SQOR: variants seen among roughly 807,000 people sequenced by gnomAD.
SQOR encodes the protein sulfide quinone oxidoreductase.
In SQOR, 39 loss-of-function variants were observed where a neutral mutation model predicts 48.6. The observed-to-expected ratio is 0.80, with a 90% CI of 0.62 to 1.05. The LOEUF (loss-of-function observed/expected upper bound fraction) is 1.05. Among genes scored for constraint, SQOR ranks in the 50% least tolerant of loss-of-function variants. SQOR has a pLI of 0.00. For synonymous variants in SQOR, 220 were observed against 206.2 expected, an observed-to-expected ratio of 1.07 and a Z score of -0.57; for missense variants, 561 against 559.9, an observed-to-expected ratio of 1.00 and a Z score of -0.02.
intron 3 of SQOR, among the ~76,000 whole-genome samples, chr15:45,667,945 T>A (rs56327601): frequency 3.2e-5 from 3 of 94,232 alleles, no homozygotes; most frequent in African/African-American, 1.2e-4. Context: ...TTCTTTCTTT[T>A]TTTTTTTTTT....
chr15:45,634,198 C>A (rs1294090060), upstream of SQOR, among the ~76,000 whole-genome samples: 36 of 43,844 alleles, frequency 8.2e-4, no homozygotes, highest in Middle Eastern at 0.013. Context: ...ACAACAACAA[C>A]TATATATATA....
At chr15:45,686,965 G>A (rs555567251) in intron 7 of SQOR, among the ~76,000 whole-genome samples, 3 of 151,414 alleles carry the variant, frequency 2.0e-5, no homozygotes, top group Admixed American at 6.6e-5. Context: ...GCGACACCAC[G>A]CCTGGCTAAT....
In SQOR at chr15:45,643,123, C is replaced by G. The variant is rs1049088743; in HGVS notation, c.-18+8015C>G. 7.6e-4 allele frequency among the ~76,000 whole-genome samples: 116 copies of G among 152,190 alleles called. 7 individuals are homozygous for G. Among genetic ancestry groups the G allele is most frequent in the Non-Finnish European group, 1.3e-4 (9 of 68,032 alleles). On this transcript the variant is annotated intron_variant, in intron 1 of 9. Coordinates refer to ENST00000260324, the MANE Select transcript of SQOR (RefSeq NM_021199.4). ...CCTAGCTAAAAGAGTGGGAGGGGGT[C>G]AGGCCTGGAGAAATTGCTGTCTCTC...
chr15:45,643,080 C>T (rs747516538), intron 1 of SQOR, among the ~76,000 whole-genome samples: 1 of 152,200 alleles, frequency 6.6e-6, no homozygotes, highest in African/African-American at 2.4e-5. Flanking sequence ...TTTGTTTTCC[C>T]ATGTAAAGCC....
rs1038093971 is a variant in SQOR at position 45,676,118 on chromosome 15, G to T, written c.672G>T (p.Lys224Asn). The T allele has an allele frequency of 5.6e-6, 9 of 1,613,948 alleles. No homozygotes were observed. The highest frequency in any genetic ancestry group is 7.6e-6 in the Non-Finnish European group (9 of 1,180,004). The change falls in exon 6 of 10, where the codon AAG becomes AAT. Residue 224 changes from lysine (K) to asparagine (N), a missense_variant. Coordinates refer to ENST00000260324, the MANE Select transcript of SQOR (RefSeq NM_021199.4). ...TTTCTCAGACAGGGAAGCGATCCAA[G>T]GCCAATATCATTTTCAACACTTCTC... ...AYFRKTGKRS[K>N]ANIIFNTSLG...
intron 1 of SQOR, among the ~76,000 whole-genome samples, chr15:45,649,859 T>TTG (rs935948220): frequency 2.0e-5 from 3 of 151,784 alleles, no homozygotes; most frequent in African/African-American, 7.3e-5. Context: ...GTTGTTGTTT[T>TTG]TGTGTGTGTT....
At chr15:45,635,559 C>A (rs1249096888) in intron 1 of SQOR, among the ~76,000 whole-genome samples, 4 of 152,008 alleles carry the variant, frequency 2.6e-5, no homozygotes, top group Non-Finnish European at 5.9e-5. Context: ...CTCGAGGGGT[C>A]GGCTGCAGCT....
chr15:45,641,649 C>T (rs765301363), intron 1 of SQOR, among the ~76,000 whole-genome samples: 1 of 152,176 alleles, frequency 6.6e-6, no homozygotes, highest in Non-Finnish European at 1.5e-5. Context: ...AATAGCACTG[C>T]CATTACTCAA....
At chr15:45,634,528 G>C (rs1566912100), upstream of SQOR, among the ~76,000 whole-genome samples, 1 of 152,016 alleles carries the variant, frequency 6.6e-6, no homozygotes, top group Admixed American at 6.5e-5. Flanking sequence ...TTGAAGGAAG[G>C]GCTCCAGCGC....
intron 1 of SQOR, among the ~76,000 whole-genome samples, chr15:45,651,630 CT>C (rs900664051): frequency 9.7e-4 from 147 of 151,740 alleles, no homozygotes; most frequent in Admixed American, 1.6e-3. Context: ...CGTCTAATTT[CT>C]TTTTTTTTGT....
chr15:45,662,151 T>G, intron 3 of SQOR, 26 bp downstream of exon 3: 1 of 1,608,112 alleles, frequency 6.2e-7, no homozygotes. Flanking sequence ...TTTAGATTTT[T>G]TGTTAATCTG....
At chr15:45,653,747 A>G (rs1264555887) in intron 1 of SQOR, among the ~76,000 whole-genome samples, 1 of 152,194 alleles carries the variant, frequency 6.6e-6, no homozygotes, top group Non-Finnish European at 1.5e-5. Context: ...AACAAATGAC[A>G]CTTCCATCAC....
At chr15:45,687,974 A>G (rs369992339) in intron 7 of SQOR, among the ~76,000 whole-genome samples, 9 of 152,206 alleles carry the variant, frequency 5.9e-5, no homozygotes, top group African/African-American at 2.2e-4. Context: ...CTGCCTGTGA[A>G]CAGGGACACA....
At chr15:45,651,046 G>A (rs1889475946) in intron 1 of SQOR, among the ~76,000 whole-genome samples, 1 of 152,158 alleles carries the variant, frequency 6.6e-6, no homozygotes, top group Non-Finnish European at 1.5e-5. Context: ...AATGGGACAG[G>A]GCATCACAGA....
intron 8 of SQOR, 111 bp downstream of exon 8, chr15:45,688,515 C>CTTTTT: frequency 1.6e-6 from 1 of 622,380 alleles, no homozygotes; most frequent in Non-Finnish European, 2.5e-6. Flanking sequence ...TTCTGTTTTT[C>CTTTTT]TTTTTTTTTT....
intron 1 of SQOR, among the ~76,000 whole-genome samples, chr15:45,642,567 T>G (rs747495847): frequency 2.6e-5 from 4 of 152,154 alleles, no homozygotes; most frequent in Admixed American, 1.3e-4. Context: ...AGACCTAAAC[T>G]TTAGTAACAC....
intron 7 of SQOR, among the ~76,000 whole-genome samples, chr15:45,684,488 C>T (rs569714205): frequency 8.5e-5 from 13 of 152,284 alleles, no homozygotes; most frequent in Middle Eastern, 3.4e-3. Context: ...CAAAAATCTC[C>T]ATACCTGAGT....
At chr15:45,646,193 C>A (rs977918374) in intron 1 of SQOR, among the ~76,000 whole-genome samples, 1 of 152,200 alleles carries the variant, frequency 6.6e-6, no homozygotes, top group Non-Finnish European at 1.5e-5. Flanking sequence ...GCATGTGGGG[C>A]CACCCAGAGA....
intron 3 of SQOR, among the ~76,000 whole-genome samples, chr15:45,667,316 A>T (rs61654946): frequency 0.19 from 28,295 of 151,318 alleles, 2,954 homozygotes; most frequent in East Asian, 0.42. Flanking sequence ...CTAATCTTTT[A>T]AAAAATTACT....
Sources: gnomAD v4.1 joint callset for allele counts (sites outside exome capture counted in the v4.1 genomes callset) on GRCh38, gnomAD v4.1.1 for gene constraint, MANE v1.5 for transcripts, NCBI Gene and HGNC (gene_info 2026-07-23, HGNC 2026-07-21) for gene names.